Variants in PITX1 observed in about 807,000 individuals in gnomAD.
The protein encoded by PITX1 is pituitary homeobox 1.
In PITX1, 5 loss-of-function variants were observed where a neutral mutation model predicts 24.1. The ratio of observed to expected loss-of-function variants is 0.21; its 90% CI spans 0.11 to 0.44. The LOEUF is 0.44. Ranked by LOEUF, PITX1 falls within the 20% of genes least tolerant of loss-of-function variation. PITX1 has a pLI of 0.99. For synonymous variants in PITX1, 213 were observed against 208.9 expected (o/e 1.02, Z -0.17); for missense variants, 401 against 455.4 (o/e 0.88, Z 1.09).
rs933528781 is a variant in PITX1 at position 135,029,174 on chromosome 5, A to G, written c.550T>C (p.Trp184Arg). Residue 184 changes from tryptophan to arginine, a missense_variant, in exon 3 of 3, where the codon TGG (tryptophan) becomes CGG (arginine). Trp to Arg is a moderately radical substitution (Grantham distance 101, BLOSUM62 -3). Transcript: ENST00000265340. The stretch of plus-strand genomic sequence containing the variant: ...GCTGGCGCCAGGCTCTTGGCGGCCC[A>G]GTTGTTGTAGGAGTAGCCGGCGGCG... ...VYAAGYSYNN[W>R]AAKSLAPAPL... 2 of 1,614,214 alleles carry G rather than the reference A, an allele frequency of 1.2e-6. No individual in the cohort carries two copies.
Position 135,028,866 on chromosome 5 carries a change from C to G in PITX1, c.858G>C (p.Arg286=), listed in dbSNP as rs138617400. ...ACGACGAGTGCTGTTTGGACTTGAG[C>G]CGCAGGCTGGCTAGGCTCGAGTTGC... ...DTCNSSLASL[R]LKSKQHSSFG... is the part of the protein sequence containing the mutation. Residue 286 remains arginine, a synonymous_variant, in exon 3 of 3, where the codon CGG becomes CGC. Coordinates refer to ENST00000265340, the MANE Select transcript of PITX1 (RefSeq NM_002653.5). The G allele has an allele frequency of 6.2e-7, 1 of 1,613,740 alleles. No homozygotes were observed. Among genetic ancestry groups the G allele is most frequent in the African/African-American group, 1.3e-5 (1 of 74,934 alleles).
intron 1 of PITX1, chr5:135,032,925 C>T (rs1479693144): frequency 6.9e-6 from 3 of 437,860 alleles, no homozygotes; most frequent in Admixed American, 2.4e-5. Context: ...GCTCGGAGCC[C>T]CTCCGGAACC....
In PITX1 at chr5:135,028,763, T is replaced by C. The variant is rs1265121170; in HGVS notation, c.*16A>G. Reference sequence around the variant, plus strand: ...TCCCCGCTCCGGCCGCCGGCCCGCGTGGTGCGGCGGGGCGGTCAGCTGTTG... The same window carrying C: ...TCCCCGCTCCGGCCGCCGGCCCGCGCGGTGCGGCGGGGCGGTCAGCTGTTG... On this transcript the variant is annotated 3_prime_UTR_variant, in exon 3 of 3. Coordinates refer to ENST00000265340, the MANE Select transcript of PITX1 (RefSeq NM_002653.5). The C allele has an allele frequency of 4.5e-6, 7 of 1,555,978 alleles. No homozygotes were observed. The highest frequency in any genetic ancestry group is 1.2e-5 in the South Asian group (1 of 85,814).
At position 135,028,558 on chromosome 5, in the gene PITX1, T is replaced by G. The variant is rs1168828317; in HGVS notation, c.*221A>C. ...CTCCGACGTCTTTTTGCTTTTTTTT[T>G]TTTTTTTTTTTTTTTGTCTTTTTGG... On this transcript the variant is annotated 3_prime_UTR_variant, in exon 3 of 3. Coordinates refer to ENST00000265340, the MANE Select transcript of PITX1 (RefSeq NM_002653.5). 6.1e-6 allele frequency: 1 copy of G among 163,618 alleles called. No homozygotes were observed. The highest frequency in any genetic ancestry group is 1.3e-5 in the Non-Finnish European group (1 of 78,654). The allele number at this position is 163,618 out of a possible 1,614,324, so 10.1% of individuals were successfully genotyped here.
At position 135,033,364 on chromosome 5, in the gene PITX1, T is replaced by A. The variant is rs1486238967; in HGVS notation, c.169+349A>T. ...CGTCACCCCTCTTCCTTTCTCGGTC[T>A]CCTCCTCTCCCTTCGTCCGAGCCGC... On this transcript the variant is annotated intron_variant, in intron 1 of 2. Transcript: ENST00000265340. This position sits in a 1 kb window ranked among gnomAD's most constrained non-coding sequence, Gnocchi z 5.9. 8 of 338,252 alleles carry A rather than the reference T, an allele frequency of 2.4e-5. No individual in the cohort carries two copies. The highest frequency in any genetic ancestry group is 4.4e-5 in the Non-Finnish European group (8 of 180,620). The allele number at this position is 338,252 out of a possible 1,614,324, so 21.0% of individuals were successfully genotyped here. A position where few individuals can be genotyped will look rare whatever the true frequency, so the allele number is the denominator to read the frequency against.
chr5:135,029,101 A>G lies in PITX1; in HGVS notation c.623T>C (p.Leu208Pro). ...SFTFFNSMSP[L>P]SSQSMFSAPS... ...TGCTGAGAACATGGACTGCGACGACAGCGGGCTCATGGAGTTGAAGAAGGT... is the reference window on the plus strand; with the variant it reads ...TGCTGAGAACATGGACTGCGACGACGGCGGGCTCATGGAGTTGAAGAAGGT... Residue 208 changes from leucine (L) to proline (P), a missense_variant, in exon 3 of 3, where the codon CTG becomes CCG. By Grantham distance (98) the Leu-to-Pro change is moderately conservative. Around this residue, in one of 3 missense-constraint regions of PITX1, gnomAD observed 217 missense variants for 219.8 expected, o/e 0.99. Transcript: ENST00000265340. 1 of 1,614,092 alleles carries G rather than the reference A, an allele frequency of 6.2e-7. No individual in the cohort carries two copies. The highest frequency in any genetic ancestry group is 1.1e-5 in the South Asian group (1 of 91,062).
In PITX1 at chr5:135,029,211, G is replaced by A. The variant is rs370433085; in HGVS notation, c.513C>T (p.Tyr171=). The A allele has an allele frequency of 4.3e-6, 7 of 1,614,158 alleles. No individual in the cohort carries two copies. The highest frequency in any genetic ancestry group is 1.7e-5 in the Admixed American group (1 of 60,034). ...AGTAGCCGGCGGCGTACACGTCCTC[G>A]TAGGGCTGCACTAGGCCGCTGAACT... The part of the protein sequence containing the change: ...VPQFSGLVQP[Y]EDVYAAGYSY... Residue 171 remains tyrosine, a synonymous_variant, in exon 3 of 3, where the codon TAC becomes TAT. Transcript: ENST00000265340.
intron 2 of PITX1, among the ~76,000 whole-genome samples, chr5:135,029,606 C>T (rs915574210): frequency 6.6e-6 from 1 of 152,246 alleles, no homozygotes; most frequent in Non-Finnish European, 1.5e-5. Flanking sequence ...TTCTTCCTCT[C>T]TCAACCAGTT....
At chr5:135,034,403 C>G (rs1554071041), upstream of PITX1, 1 of 151,828 alleles carries the variant, frequency 6.6e-6, no homozygotes, top group Non-Finnish European at 1.5e-5. Context: ...CCCTCCCTCC[C>G]TGCCTCGCCC....
At chr5:135,032,660 C>T (rs1752475311) in intron 1 of PITX1, among the ~76,000 whole-genome samples, 2 of 144,980 alleles carry the variant, frequency 1.4e-5, no homozygotes, top group African/African-American at 5.6e-5. Flanking sequence ...AATTCATCCT[C>T]ATAGATTTGG....
chr5:135,027,832 A>G lies in PITX1; in HGVS notation c.*947T>C, dbSNP rs1301904397. ...AGTCCAACATACACAGGGACGCTGT[A>G]AACAGGGGCGCGGGCCGGAGAGCGG... is the stretch of plus-strand genomic sequence containing the variant. On this transcript the variant is annotated 3_prime_UTR_variant, in exon 3 of 3. Transcript: ENST00000265340. 6.5e-6 allele frequency: 1 copy of G among 152,898 alleles called. No individual in the cohort carries two copies. 9.5% of individuals were successfully genotyped at this position (152,898 alleles called of 1,614,324 possible). A position where few individuals can be genotyped will look rare whatever the true frequency, so the allele number is the denominator to read the frequency against.
In PITX1 at chr5:135,033,599, C is replaced by T. The variant is rs994415885; in HGVS notation, c.169+114G>A. ...GGGAAAAAGAAAGCTCCTGACGCTT[C>T]TGGGGCGGAGAGGGAGCTTGGTTGC... is the stretch of plus-strand genomic sequence containing the variant. On this transcript the variant is annotated intron_variant, in intron 1 of 2. Coordinates refer to ENST00000265340, the MANE Select transcript of PITX1 (RefSeq NM_002653.5). This position sits in a 1 kb window ranked among gnomAD's most constrained non-coding sequence, Gnocchi z 5.9. 4.6e-6 allele frequency: 5 copies of T among 1,093,270 alleles called. No homozygotes were observed. In the African/African-American group the frequency reaches 8.0e-5, roughly 17 times the overall value. 67.7% of individuals were successfully genotyped at this position (1,093,270 alleles called of 1,614,324 possible).
chr5:135,033,339 C>G lies in PITX1; in HGVS notation c.169+374G>C. ...GTCTCTCTGAGTGCGTTCTCTCGCCCGTCACCCCTCTTCCTTTCTCGGTCT... is the reference window on the plus strand; with the variant it reads ...GTCTCTCTGAGTGCGTTCTCTCGCCGGTCACCCCTCTTCCTTTCTCGGTCT... On this transcript the variant is annotated intron_variant, in intron 1 of 2. Transcript: ENST00000265340. The surrounding 1 kb of genome is among the most constrained non-coding windows in gnomAD (Gnocchi z 5.9). 3.2e-6 allele frequency: 1 copy of G among 310,644 alleles called. No individual in the cohort carries two copies. Among genetic ancestry groups the G allele is most frequent in the South Asian group, 2.8e-5 (1 of 35,284 alleles). 19.2% of individuals were successfully genotyped at this position (310,644 alleles called of 1,614,324 possible). A position where few individuals can be genotyped will look rare whatever the true frequency, so the allele number is the denominator to read the frequency against.
Position 135,033,903 on chromosome 5 carries a change from C to A in PITX1, c.-22G>T. ...CCATGGAGGTGGGGACCGCGGCGGG[C>A]GCTCCAGGGGCCGGGGCTGGGCGCG... On this transcript the variant is annotated 5_prime_UTR_variant, in exon 1 of 3. Transcript: ENST00000265340. This position sits in a 1 kb window ranked among gnomAD's most constrained non-coding sequence, Gnocchi z 5.9. 2 of 1,357,504 alleles carry A rather than the reference C, an allele frequency of 1.5e-6. No individual in the cohort carries two copies. The highest frequency in any genetic ancestry group is 1.5e-5 in the African/African-American group (1 of 64,764). The allele number at this position is 1,357,504 out of a possible 1,614,324, so 84.1% of individuals were successfully genotyped here. A position where few individuals can be genotyped will look rare whatever the true frequency, so the allele number is the denominator to read the frequency against.
rs757467616 is a variant in PITX1, at chr5:135,031,336, G to A, written c.342C>T (p.Pro114=). 3.1e-6 allele frequency: 5 copies of A among 1,614,090 alleles called. No homozygotes were observed. Among genetic ancestry groups the A allele is most frequent in the East Asian group, 2.2e-5 (1 of 44,866 alleles). Residue 114 remains proline (P), a synonymous_variant, in exon 2 of 3, where the codon CCC becomes CCT. Transcript: ENST00000265340. ...CGATCTCCTCCCTCATGCTCATGTC[G>A]GGGTAGCGGTTCCTCTGGAACGTGG... ...LEATFQRNRY[P]DMSMREEIAV... is the part of the protein sequence containing the mutation.
At position 135,031,577 on chromosome 5, in the gene PITX1, C is replaced by T. The variant is rs1487522092; in HGVS notation, c.170-69G>A. ...CCGTTGCACCCCGTCCCGGCTCCACCGAACCGCTCGCCACCAGCGCTGGCG... is the reference window on the plus strand; with the variant it reads ...CCGTTGCACCCCGTCCCGGCTCCACTGAACCGCTCGCCACCAGCGCTGGCG... On this transcript the variant is annotated intron_variant, in intron 1 of 2. Transcript: ENST00000265340. 26 of 1,279,728 alleles carry T rather than the reference C, an allele frequency of 2.0e-5. No homozygotes were observed. In the Admixed American group the frequency reaches 4.2e-4, roughly 21 times the overall value. The allele number at this position is 1,279,728 out of a possible 1,614,324, so 79.3% of individuals were successfully genotyped here.
intron 2 of PITX1, among the ~76,000 whole-genome samples, chr5:135,030,719 G>A (rs931849085): frequency 3.3e-5 from 5 of 152,212 alleles, no homozygotes; most frequent in African/African-American, 7.2e-5. Flanking sequence ...AGAAGGCAAA[G>A]GGTCCTACTG....
intron 1 of PITX1, 117 bp from the exon 2 acceptor site, chr5:135,031,625 T>G: frequency 2.5e-6 from 2 of 814,848 alleles, no homozygotes; most frequent in Non-Finnish European, 3.8e-6. Flanking sequence ...TCCCTCCCTC[T>G]AGGGTTCCTG....
intron 1 of PITX1, 36 bp from the exon 2 acceptor site, chr5:135,031,544 C>T (rs1344779741): frequency 1.9e-6 from 3 of 1,548,200 alleles, no homozygotes; most frequent in African/African-American, 2.7e-5. Context: ...GTCACCTGGG[C>T]TTACGCCCCG....
Sources: gnomAD v4.1 joint callset for allele counts (sites outside exome capture counted in the v4.1 genomes callset) on GRCh38, gnomAD v4.1.1 for gene constraint, gnomAD v4.1.1 regional missense constraint, Gnocchi (gnomAD v3.1) non-coding constraint, MANE v1.5 for transcripts, NCBI Gene and HGNC (gene_info 2026-07-23, HGNC 2026-07-21) for gene names.